EIF4G3: variants seen among roughly 807,000 people sequenced by gnomAD.
The protein encoded by EIF4G3 is eukaryotic translation initiation factor 4 gamma 3.
A neutral mutation model predicts 186.4 loss-of-function variants in EIF4G3; 34 were observed. That is an observed-to-expected ratio of 0.18 (90% CI 0.14 to 0.24). The LOEUF (loss-of-function observed/expected upper bound fraction) is 0.24. Among genes scored for constraint, EIF4G3 ranks in the 10% least tolerant of loss-of-function variants. EIF4G3 has a pLI of 1.00. For missense variants in EIF4G3, 1,536 were observed against 1,948.5 expected (o/e 0.79, Z 3.99); for synonymous variants, 673 against 679.5 (o/e 0.99, Z 0.15).
intron 12 of EIF4G3, among the ~76,000 whole-genome samples, chr1:20,958,480 A>G (rs2096490918): frequency 6.6e-6 from 1 of 152,200 alleles, no homozygotes. Flanking sequence ...CTCCCTGACA[A>G]CAGGAACAAG....
intron 2 of EIF4G3, among the ~76,000 whole-genome samples, chr1:21,121,054 G>A (rs1291205714): frequency 1.3e-5 from 2 of 152,108 alleles, no homozygotes; most frequent in African/African-American, 4.8e-5. Flanking sequence ...AAGTAGGTGG[G>A]ACTACAGGAG....
chr1:21,079,873 C>T (rs577102992), intron 3 of EIF4G3, among the ~76,000 whole-genome samples: 1 of 150,240 alleles, frequency 6.7e-6, no homozygotes, highest in African/African-American at 2.4e-5. Context: ...AGGCATGGCC[C>T]GGGTGCGGTG....
At chr1:21,052,997 C>T (rs1354908714) in intron 3 of EIF4G3, among the ~76,000 whole-genome samples, 23 of 145,716 alleles carry the variant, frequency 1.6e-4, no homozygotes, top group Non-Finnish European at 1.5e-4. Context: ...TCTGCCCGGC[C>T]GCCACCCCGT....
intron 4 of EIF4G3, among the ~76,000 whole-genome samples, chr1:21,013,295 T>C (rs535524121): frequency 6.6e-6 from 1 of 152,254 alleles, no homozygotes; most frequent in Non-Finnish European, 1.5e-5. Flanking sequence ...GGAAATTTTT[T>C]AAAATATTAA....
At chr1:20,947,089 G>A (rs998766081) in intron 13 of EIF4G3, among the ~76,000 whole-genome samples, 2 of 152,156 alleles carry the variant, frequency 1.3e-5, no homozygotes, top group Non-Finnish European at 2.9e-5. Context: ...GGTAGCTCCC[G>A]TAATCCCAGC....
chr1:20,862,206 TA>T, intron 23 of EIF4G3, 21 bp downstream of exon 23: 8 of 1,383,658 alleles, frequency 5.8e-6, no homozygotes, highest in Non-Finnish European at 8.1e-6. Context: ...GCAGGCTTAT[TA>T]TTATTTTTTT....
intron 4 of EIF4G3, among the ~76,000 whole-genome samples, chr1:21,019,401 T>TA (rs1207421705): frequency 1.3e-5 from 2 of 152,234 alleles, no homozygotes; most frequent in Non-Finnish European, 2.9e-5. Context: ...GAAAACTTGA[T>TA]ATGGTAGTAT....
intron 12 of EIF4G3, among the ~76,000 whole-genome samples, chr1:20,964,684 C>A (rs2074218132): frequency 6.6e-6 from 1 of 152,162 alleles, no homozygotes; most frequent in Non-Finnish European, 1.5e-5. Context: ...GTTTTTGAAA[C>A]CCTTTCACAT....
rs571491066 is a variant in EIF4G3 at position 20,871,294 on chromosome 1, C to G, written c.2623-6032G>C. On this transcript the variant is annotated intron_variant, in intron 20 of 36. Transcript: ENST00000602326. Reference sequence around the variant, plus strand: ...AACAATCTAGGCTGGGTTTTTAAACCTCAACACTACTGACATTTGGGGTAG... The same window carrying G: ...AACAATCTAGGCTGGGTTTTTAAACGTCAACACTACTGACATTTGGGGTAG... Among the ~76,000 whole-genome samples, 41 of 152,244 alleles carry G rather than the reference C, an allele frequency of 2.7e-4. 1 individual carries two copies. The highest frequency in any genetic ancestry group is 8.7e-4 in the African/African-American group (36 of 41,548).
At chr1:21,124,889 A>G (rs542183955) in intron 2 of EIF4G3, among the ~76,000 whole-genome samples, 2 of 152,362 alleles carry the variant, frequency 1.3e-5, no homozygotes, top group African/African-American at 4.8e-5. Context: ...TATTTCCATC[A>G]TAATTTTCTG....
chr1:20,882,674 G>C (rs1338454625), intron 19 of EIF4G3, among the ~76,000 whole-genome samples: 2 of 151,864 alleles, frequency 1.3e-5, no homozygotes, highest in Non-Finnish European at 2.9e-5. Context: ...AGGTATAGTG[G>C]TCCATGCCTA....
At chr1:21,141,941 A>C (rs572220252) in intron 2 of EIF4G3, among the ~76,000 whole-genome samples, 1 of 152,254 alleles carries the variant, frequency 6.6e-6, no homozygotes, top group Non-Finnish European at 1.5e-5. Flanking sequence ...TCTCCAAAAA[A>C]AAAAACAAAA....
At chr1:20,971,529 T>G (rs2075885326) in intron 11 of EIF4G3, among the ~76,000 whole-genome samples, 1 of 152,248 alleles carries the variant, frequency 6.6e-6, no homozygotes, top group African/African-American at 2.4e-5. Context: ...GTTTCTTGAC[T>G]GTAGTGTCAT....
intron 4 of EIF4G3, among the ~76,000 whole-genome samples, chr1:21,031,362 C>A (rs1483792078): frequency 2.8e-5 from 4 of 145,008 alleles, no homozygotes; most frequent in Non-Finnish European, 4.5e-5. Context: ...GAAAATGGGT[C>A]CAGAAAAATG....
chr1:21,153,301 C>T (rs932905237), intron 2 of EIF4G3, among the ~76,000 whole-genome samples: 9 of 152,220 alleles, frequency 5.9e-5, no homozygotes, highest in African/African-American at 1.9e-4. Context: ...AAGATTCTAA[C>T]GGCATTCTGA....
chr1:20,944,785 A>G (rs974543189), intron 13 of EIF4G3, among the ~76,000 whole-genome samples: 13 of 151,328 alleles, frequency 8.6e-5, no homozygotes, highest in African/African-American at 3.2e-4. Flanking sequence ...TGTAAATCCC[A>G]GCACTTTGGG....
chr1:21,110,856 T>A (rs1295182137), intron 2 of EIF4G3, among the ~76,000 whole-genome samples: 1 of 152,336 alleles, frequency 6.6e-6, no homozygotes, highest in South Asian at 2.1e-4. Context: ...CGTGAGCCAC[T>A]GCGCCCAGAC....
intron 12 of EIF4G3, among the ~76,000 whole-genome samples, chr1:20,958,161 C>T (rs2096483818): frequency 6.6e-6 from 1 of 152,128 alleles, no homozygotes; most frequent in Admixed American, 6.6e-5. Context: ...AAAATACTAG[C>T]TAACCAAATG....
At chr1:21,114,586 C>G (rs2096784539) in intron 2 of EIF4G3, among the ~76,000 whole-genome samples, 1 of 152,170 alleles carries the variant, frequency 6.6e-6, no homozygotes, top group Admixed American at 6.5e-5. Flanking sequence ...CGGCTTGCCA[C>G]TCACTCACAC....
Sources: allele counts gnomAD v4.1 joint callset (sites outside exome capture counted in the v4.1 genomes callset), GRCh38; gene constraint gnomAD v4.1.1; transcripts MANE v1.5; gene names NCBI Gene and HGNC (gene_info 2026-07-23, HGNC 2026-07-21).